Variants in NPFFR2 observed in about 807,000 individuals in gnomAD.
The protein encoded by NPFFR2 is G-protein coupled receptor 74.
Under a neutral mutation model 13.1 loss-of-function variants are expected in NPFFR2, and 15 were observed. That is an observed-to-expected ratio of 1.15 (90% confidence interval 0.77 to 1.76). The LOEUF is 1.76. NPFFR2 is among the 40% of genes most tolerant of loss of function. NPFFR2 has a pLI of 0.00. For synonymous variants in NPFFR2, 190 were observed against 175.7 expected (o/e 1.08, Z -0.65); for missense variants, 572 against 503.5 (o/e 1.14, Z -1.30).
chr4:72,137,898 A>G, intron 2 of NPFFR2, 142 bp from the exon 3 acceptor site: 1 of 639,810 alleles, frequency 1.6e-6, no homozygotes, highest in Admixed American at 2.7e-5. Context: ...ATATTAGGGG[A>G]AATACTGAGA....
intron 1 of NPFFR2, among the ~76,000 whole-genome samples, chr4:72,127,127 C>A (rs377567539): frequency 6.6e-6 from 1 of 150,804 alleles, no homozygotes; most frequent in Non-Finnish European, 1.5e-5. Context: ...ACAGTGAAAC[C>A]CCGTCTCTAC....
Position 72,048,770 on chromosome 4 carries a change from C to T in NPFFR2, c.-8+16570C>T, listed in dbSNP as rs550445311. Among the ~76,000 whole-genome samples the T allele has an allele frequency of 4.0e-5, 6 of 151,216 alleles. No individual in the cohort carries two copies. In the South Asian group the frequency reaches 1.3e-3, roughly 32 times the overall value. On this transcript the variant is annotated intron_variant, in intron 1 of 3. Coordinates refer to ENST00000308744, the MANE Select transcript of NPFFR2 (RefSeq NM_004885.3). ...TTTTCAATATTTTTCTACTACTTCT[C>T]AGTAAGCATGAGTTTTGTTGGAATT... is the stretch of plus-strand genomic sequence containing the variant.
chr4:72,055,680 A>C lies in NPFFR2; in HGVS notation c.-8+23480A>C, dbSNP rs10012824. ...GGCCAAACCCTAGGCCTCTTGAGCC[A>C]AACAGCTAGCCAAGTTGTGAATGCA... On this transcript the variant is annotated intron_variant, in intron 1 of 3. Coordinates refer to ENST00000308744, the MANE Select transcript of NPFFR2 (RefSeq NM_004885.3). Among the ~76,000 whole-genome samples, 17 of 151,752 alleles carry C rather than the reference A, an allele frequency of 1.1e-4. No homozygotes were observed. In the East Asian group the frequency reaches 3.1e-3, roughly 28 times the overall value.
rs182505489 is a variant in NPFFR2 at position 72,090,710 on chromosome 4, G to A, written c.-7-37875G>A. 5.1e-3 allele frequency among the ~76,000 whole-genome samples: 775 copies of A among 152,168 alleles called. 6 individuals carry two copies. Among genetic ancestry groups the A allele is most frequent in the African/African-American group, 0.018 (744 of 41,552 alleles). On this transcript the variant is annotated intron_variant, in intron 1 of 3. Coordinates refer to ENST00000308744, the MANE Select transcript of NPFFR2 (RefSeq NM_004885.3). ...GAAACTTTACTGAATTCATTTATGA[G>A]ATTTAGAAGCTTTATGGATGAATCT... is the stretch of plus-strand genomic sequence containing the variant.
chr4:72,138,088 G>T lies in NPFFR2; in HGVS notation c.377G>T (p.Gly126Val), dbSNP rs545845981. 1.2e-6 allele frequency: 2 copies of T among 1,613,784 alleles called. No homozygotes were observed. The highest frequency in any genetic ancestry group is 1.3e-5 in the African/African-American group (1 of 75,034). Residue 126 changes from glycine to valine, a missense_variant, in exon 3 of 4, where the codon GGA becomes GTA. By Grantham distance (109) the Gly-to-Val change is moderately radical. Coordinates refer to ENST00000308744, the MANE Select transcript of NPFFR2 (RefSeq NM_004885.3). ...TMCKISGLVQGISVAASVFTL... is the reference protein window; with the variant it reads ...TMCKISGLVQVISVAASVFTL... ...TGCAAGATCAGTGGATTGGTCCAGGGAATATCTGTCGCAGCTTCAGTCTTT... is the reference window on the plus strand; with the variant it reads ...TGCAAGATCAGTGGATTGGTCCAGGTAATATCTGTCGCAGCTTCAGTCTTT...
intron 1 of NPFFR2, among the ~76,000 whole-genome samples, chr4:72,059,348 G>GT (rs1241359340): frequency 1.3e-5 from 2 of 151,968 alleles, no homozygotes; most frequent in Non-Finnish European, 2.9e-5. Context: ...CAAAAAACTG[G>GT]TTTTTTGACT....
In NPFFR2 at chr4:72,043,004, T is replaced by G. The variant is rs1719270112; in HGVS notation, c.-8+10804T>G. On this transcript the variant is annotated intron_variant, in intron 1 of 3. Transcript: ENST00000308744. ...GGCCTAGGAGGGAAAAATGGTTTCT[T>G]AGGCCAAGTCCAGGCCCCCTTGCTG... is the stretch of plus-strand genomic sequence containing the variant. Among the ~76,000 whole-genome samples the G allele has an allele frequency of 2.0e-5, 3 of 152,258 alleles. 1 individual carries two copies. In the South Asian group the frequency reaches 6.2e-4, roughly 32 times the overall value.
chr4:72,147,872 T>C lies in NPFFR2; in HGVS notation c.*60T>C, dbSNP rs1471859718. ...CATTATATATTTAAATCCATTGCTT[T>C]TTGTGGCTTTGCACTTCAAATTTTT... On this transcript the variant is annotated 3_prime_UTR_variant, in exon 4 of 4. Transcript: ENST00000308744. The C allele has an allele frequency of 8.8e-6, 11 of 1,252,128 alleles. No homozygotes were observed. Among genetic ancestry groups the C allele is most frequent in the Non-Finnish European group, 1.2e-5 (11 of 931,614 alleles). The allele number at this position is 1,252,128 out of a possible 1,614,324, so 77.6% of individuals were successfully genotyped here.
Position 72,032,068 on chromosome 4 carries a change from G to T in NPFFR2, c.-140G>T, listed in dbSNP as rs1477919932. The T allele has an allele frequency of 1.2e-6, 2 of 1,614,086 alleles. No individual in the cohort carries two copies. The highest frequency in any genetic ancestry group is 2.2e-5 in the South Asian group (2 of 91,070). On this transcript the variant is annotated 5_prime_UTR_variant, in exon 1 of 4. Coordinates refer to ENST00000308744, the MANE Select transcript of NPFFR2 (RefSeq NM_004885.3). ...CTGGAGTGGAGCAGGCAGTCCGCGG[G>T]GGACAGACGTCGGCTGGGATTGAGC...
intron 1 of NPFFR2, among the ~76,000 whole-genome samples, chr4:72,127,072 G>A (rs922076271): frequency 6.6e-6 from 1 of 151,798 alleles, no homozygotes; most frequent in Admixed American, 6.6e-5. Context: ...GGAGGCTGAG[G>A]CAGGCAGATC....
At chr4:72,145,449 T>G (rs1337952006) in intron 3 of NPFFR2, among the ~76,000 whole-genome samples, 1 of 151,920 alleles carries the variant, frequency 6.6e-6, no homozygotes, top group African/African-American at 2.4e-5. Context: ...TATAAATATA[T>G]GTACTTATAT....
chr4:72,084,686 C>A (rs935763150), intron 1 of NPFFR2, among the ~76,000 whole-genome samples: 1 of 152,146 alleles, frequency 6.6e-6, no homozygotes, highest in East Asian at 1.9e-4. Context: ...AAGAGGCCCA[C>A]TCTCAGCGTT....
At chr4:72,060,744 C>T (rs1046826705) in intron 1 of NPFFR2, among the ~76,000 whole-genome samples, 1 of 152,080 alleles carries the variant, frequency 6.6e-6, no homozygotes, top group African/African-American at 2.4e-5. Flanking sequence ...CCGATGAGGT[C>T]AGAAGCCAAC....
intron 1 of NPFFR2, among the ~76,000 whole-genome samples, chr4:72,074,060 A>G (rs1428421883): frequency 2.7e-5 from 4 of 148,236 alleles, no homozygotes; most frequent in Non-Finnish European, 6.0e-5. Flanking sequence ...CCCATAGTGA[A>G]CTGCAGTTCA....
At chr4:72,063,675 G>A (rs1382994009) in intron 1 of NPFFR2, among the ~76,000 whole-genome samples, 1 of 152,128 alleles carries the variant, frequency 6.6e-6, no homozygotes, top group African/African-American at 2.4e-5. Flanking sequence ...TTTCCAGTCA[G>A]CCCACTTTAA....
chr4:72,075,257 G>A (rs1720392648), intron 1 of NPFFR2, among the ~76,000 whole-genome samples: 1 of 152,114 alleles, frequency 6.6e-6, no homozygotes, highest in South Asian at 2.1e-4. Context: ...CGGACTCCAA[G>A]TTCTTCAGTT....
rs1018770783 is a variant in NPFFR2, at chr4:72,042,361, C to T, written c.-8+10161C>T. Among the ~76,000 whole-genome samples the T allele has an allele frequency of 4.6e-5, 7 of 152,066 alleles. No homozygotes were observed. The East Asian group carries it at 5.8e-4, about 13-fold the overall frequency. ...CCCAGTCTTGGCTATATTCGTATAG[C>T]GGCGTGAGAATGGACTAGTAGAGTA... On this transcript the variant is annotated intron_variant, in intron 1 of 3. Coordinates refer to ENST00000308744, the MANE Select transcript of NPFFR2 (RefSeq NM_004885.3).
chr4:72,062,654 C>G (rs562086822), intron 1 of NPFFR2, among the ~76,000 whole-genome samples: 1 of 152,024 alleles, frequency 6.6e-6, no homozygotes, highest in Non-Finnish European at 1.5e-5. Flanking sequence ...GCACATGTGA[C>G]TTTTTTTTCC....
intron 1 of NPFFR2, among the ~76,000 whole-genome samples, chr4:72,102,961 T>A (rs977154650): frequency 6.6e-6 from 1 of 152,156 alleles, no homozygotes; most frequent in Admixed American, 6.6e-5. Context: ...AGTTCCACAA[T>A]GGTTGAACTA....
Sources: gnomAD v4.1 joint callset for allele counts (sites outside exome capture counted in the v4.1 genomes callset) on GRCh38, gnomAD v4.1.1 for gene constraint, MANE v1.5 for transcripts, NCBI Gene and HGNC (gene_info 2026-07-23, HGNC 2026-07-21) for gene names.